Variants in SHANK2 observed in about 807,000 individuals in gnomAD.
SHANK2 encodes SH3 and multiple ankyrin repeat domains 2.
SHANK2 carries 43 observed loss-of-function variants against 133.7 expected under a neutral mutation model. The observed-to-expected ratio is 0.32, with a 90% CI of 0.25 to 0.41. SHANK2 has a LOEUF of 0.41. SHANK2 is among the 10% of genes least tolerant of loss of function. The probability of loss-of-function intolerance (pLI) is 1.00; values close to 1 mark genes in which losing one functional copy is unlikely to be tolerated. For synonymous variants in SHANK2, 1,017 were observed against 952.8 expected (o/e 1.07, Z -1.24); for missense variants, 1,994 against 2,235.8 (o/e 0.89, Z 2.18).
chr11:70,648,933 G>T (rs1555009266), intron 17 of SHANK2, among the ~76,000 whole-genome samples: 1 of 152,182 alleles, frequency 6.6e-6, no homozygotes, highest in South Asian at 2.1e-4. Flanking sequence ...ATGGCAGAGG[G>T]TTATGAGCGG....
chr11:70,839,433 C>G (rs1170369433), intron 11 of SHANK2, among the ~76,000 whole-genome samples: 6 of 152,200 alleles, frequency 3.9e-5, no homozygotes. Context: ...ACACACCCCC[C>G]TGGTAGAGAG....
Position 70,492,341 on chromosome 11 carries a change from G to A in SHANK2, c.2433C>T (p.Asp811=), listed in dbSNP as rs1373663941. The change falls in exon 22 of 26, where the codon GAC becomes GAT. Residue 811 remains aspartate, a synonymous_variant. Transcript: ENST00000601538. ...PSSRCFPAGS[D]MNSVYERQGI... ...CCAAGGTACGGCCACTCACGTTCAT[G>A]TCTGAGCCCGCCGGGAAGCACCGGC... 2 of 1,611,268 alleles carry A rather than the reference G, an allele frequency of 1.2e-6. No homozygotes were observed. Among genetic ancestry groups the A allele is most frequent in the East Asian group, 4.5e-5 (2 of 44,894 alleles).
intron 12 of SHANK2, among the ~76,000 whole-genome samples, chr11:70,812,433 T>C (rs1555053403): frequency 6.6e-6 from 1 of 152,206 alleles, no homozygotes; most frequent in Non-Finnish European, 1.5e-5. Context: ...AAAACTTTTG[T>C]CCCCATTTTA....
intron 17 of SHANK2, among the ~76,000 whole-genome samples, chr11:70,639,299 T>G (rs2061147105): frequency 1.3e-5 from 2 of 152,152 alleles, no homozygotes; most frequent in South Asian, 4.1e-4. Context: ...TGCCACAAAC[T>G]GGTGGCTTCT....
intron 10 of SHANK2, among the ~76,000 whole-genome samples, chr11:70,900,172 G>A (rs567676749): frequency 6.6e-6 from 1 of 152,180 alleles, no homozygotes; most frequent in South Asian, 2.1e-4. Flanking sequence ...TGGCCAACAT[G>A]GTGAAATCCC....
intron 11 of SHANK2, among the ~76,000 whole-genome samples, chr11:70,839,713 C>A (rs1327334216): frequency 1.3e-5 from 2 of 152,120 alleles, no homozygotes; most frequent in African/African-American, 4.8e-5. Flanking sequence ...ATCGAGGTGT[C>A]CCCGGTAAAG....
At chr11:70,775,517 C>G (rs1947343931) in intron 14 of SHANK2, among the ~76,000 whole-genome samples, 1 of 152,176 alleles carries the variant, frequency 6.6e-6, no homozygotes, top group Non-Finnish European at 1.5e-5. Flanking sequence ...TTTGAGGTAT[C>G]TGGAGGTTGC....
chr11:70,948,249 C>T, intron 10 of SHANK2: 1 of 456,830 alleles, frequency 2.2e-6, no homozygotes, highest in Non-Finnish European at 4.4e-6. Context: ...TTCTTCCTGT[C>T]ATTTACCAAC....
chr11:70,930,154 T>G lies in SHANK2; in HGVS notation c.1108-33587A>C, dbSNP rs551381548. 7.7e-4 allele frequency among the ~76,000 whole-genome samples: 118 copies of G among 152,348 alleles called. 1 individual carries two copies. The highest frequency in any genetic ancestry group is 2.7e-3 in the African/African-American group (112 of 41,570). Reference sequence around the variant, plus strand: ...GCAGGACCTACTGTGTAAACCTCAATGCAGAATATTTTCTTGGTTCCAATC... The same window carrying G: ...GCAGGACCTACTGTGTAAACCTCAAGGCAGAATATTTTCTTGGTTCCAATC... On this transcript the variant is annotated intron_variant, in intron 10 of 25. Coordinates refer to ENST00000601538, the MANE Select transcript of SHANK2 (RefSeq NM_012309.5).
chr11:70,731,845 G>A (rs1243920620), intron 14 of SHANK2, among the ~76,000 whole-genome samples: 1 of 152,184 alleles, frequency 6.6e-6, no homozygotes, highest in African/African-American at 2.4e-5. Flanking sequence ...GAGGTGGAAC[G>A]GCTGATGAGC....
At chr11:71,119,472 C>A (rs1952043717) in intron 3 of SHANK2, among the ~76,000 whole-genome samples, 2 of 151,288 alleles carry the variant, frequency 1.3e-5, no homozygotes, top group South Asian at 4.2e-4. Flanking sequence ...CCCAGCTACT[C>A]TGGAGGCTGA....
intron 14 of SHANK2, among the ~76,000 whole-genome samples, chr11:70,702,039 C>T (rs1555023815): frequency 6.6e-6 from 1 of 151,458 alleles, no homozygotes; most frequent in Non-Finnish European, 1.5e-5. Flanking sequence ...TCATCATCAC[C>T]ACCACCACCA....
chr11:70,689,601 A>C (rs1317037881), intron 15 of SHANK2, among the ~76,000 whole-genome samples: 1 of 152,200 alleles, frequency 6.6e-6, no homozygotes, highest in Non-Finnish European at 1.5e-5. Flanking sequence ...CAGTGCTATA[A>C]CTTCTTACTG....
At chr11:70,540,122 T>A (rs1679649992) in intron 17 of SHANK2, among the ~76,000 whole-genome samples, 1 of 152,142 alleles carries the variant, frequency 6.6e-6, no homozygotes, top group African/African-American at 2.4e-5. Context: ...ATGTCCCAAT[T>A]TCCAAGCAAG....
intron 11 of SHANK2, among the ~76,000 whole-genome samples, chr11:70,831,657 C>T (rs1250623110): frequency 6.6e-6 from 1 of 152,178 alleles, no homozygotes; most frequent in Non-Finnish European, 1.5e-5. Flanking sequence ...TCACTTCTTG[C>T]ATAAAAAAAA....
chr11:70,491,939 CCA>C (rs1555155901), intron 22 of SHANK2, among the ~76,000 whole-genome samples: 1 of 152,204 alleles, frequency 6.6e-6, no homozygotes, highest in Non-Finnish European at 1.5e-5. Context: ...TGGGGGACTG[CCA>C]CATGGGATGT....
chr11:70,741,360 C>T (rs1946523804), intron 14 of SHANK2, among the ~76,000 whole-genome samples: 1 of 152,064 alleles, frequency 6.6e-6, no homozygotes, highest in Non-Finnish European at 1.5e-5. Context: ...TCCATCCATC[C>T]ATCCATCCAT....
At chr11:70,559,159 C>G (rs553561263) in intron 17 of SHANK2, among the ~76,000 whole-genome samples, 217 of 152,160 alleles carry the variant, frequency 1.4e-3, no homozygotes, top group African/African-American at 5.0e-3. Context: ...GCTGGGATTA[C>G]AGGCACCTGC....
intron 14 of SHANK2, among the ~76,000 whole-genome samples, chr11:70,728,695 C>T (rs1418353436): frequency 6.6e-6 from 1 of 152,198 alleles, no homozygotes; most frequent in Non-Finnish European, 1.5e-5. Flanking sequence ...GCCCAAGGTG[C>T]TGTTTGAATT....
Sources: gnomAD v4.1 joint callset for allele counts (sites outside exome capture counted in the v4.1 genomes callset) on GRCh38, gnomAD v4.1.1 for gene constraint, MANE v1.5 for transcripts, NCBI Gene and HGNC (gene_info 2026-07-23, HGNC 2026-07-21) for gene names.